DPH6: variants seen among roughly 807,000 people sequenced by gnomAD.
The protein encoded by DPH6 is diphthamine biosynthesis 6, also known as diphthine--ammonia ligase.
In DPH6, 33 loss-of-function variants were observed where a neutral mutation model predicts 38.2. The ratio of observed to expected loss-of-function variants is 0.86; its 90% CI spans 0.65 to 1.15. The LOEUF is 1.15. DPH6 is among the 50% of genes most tolerant of loss of function. DPH6 has a pLI of 0.00. For missense variants in DPH6, 325 were observed against 320.0 expected, an observed-to-expected ratio of 1.02 and a Z score of -0.12; for synonymous variants, 108 against 103.0, an observed-to-expected ratio of 1.05 and a Z score of -0.30.
chr15:35,377,508 T>C (rs1262347400), intron 7 of DPH6, among the ~76,000 whole-genome samples: 6 of 152,144 alleles, frequency 3.9e-5, no homozygotes, highest in African/African-American at 1.2e-4. Context: ...CTTAAGATTT[T>C]AGTTATGAAT....
At chr15:35,346,614 G>T (rs749937686) in intron 3 of DPH6, among the ~76,000 whole-genome samples, 4 of 151,876 alleles carry the variant, frequency 2.6e-5, no homozygotes, top group Non-Finnish European at 4.4e-5. Flanking sequence ...GTTTATATTC[G>T]ACTTAATTTC....
chr15:35,316,099 A>G (rs2052186272), intron 3 of DPH6, among the ~76,000 whole-genome samples: 1 of 151,660 alleles, frequency 6.6e-6, no homozygotes, highest in South Asian at 2.1e-4. Flanking sequence ...ATGGTTTAAT[A>G]GAAGAAATAA....
At chr15:35,425,910 C>T (rs905878861) in intron 5 of DPH6, among the ~76,000 whole-genome samples, 10 of 150,738 alleles carry the variant, frequency 6.6e-5, no homozygotes, top group Admixed American at 6.6e-4. Flanking sequence ...GACAGCCTGC[C>T]TTACCCAGTG....
intron 6 of DPH6, among the ~76,000 whole-genome samples, chr15:35,385,277 C>T (rs1566889666): frequency 6.6e-6 from 1 of 152,108 alleles, no homozygotes; most frequent in Non-Finnish European, 1.5e-5. Flanking sequence ...GATATATACC[C>T]AAAGGATTAT....
the DPH6 span, among the ~76,000 whole-genome samples, chr15:35,154,111 A>G: frequency 1.4e-4 from 22 of 152,260 alleles, no homozygotes; most frequent in African/African-American, 4.6e-4. Context: ...GGGGGGCTCT[A>G]TTGCACAGTA....
intron 3 of DPH6, among the ~76,000 whole-genome samples, chr15:35,478,370 CA>C (rs2054286768): frequency 3.8e-5 from 1 of 26,218 alleles, no homozygotes. Flanking sequence ...CACACATACA[CA>C]CACACACACA....
intron 6 of DPH6, among the ~76,000 whole-genome samples, chr15:35,404,510 A>T (rs901205314): frequency 2.6e-5 from 4 of 152,144 alleles, no homozygotes; most frequent in Non-Finnish European, 4.4e-5. Flanking sequence ...TCTGTTTGAC[A>T]CTTGTGTGTC....
rs1566926708 is a variant in DPH6 at position 35,483,401 on chromosome 15, T to C, written c.313-28581A>G. On this transcript the variant is annotated intron_variant, in intron 3 of 8. Transcript: ENST00000256538. ...ATTGCTTAAACCCAGGAGGCAGAGG[T>C]TGCAGTGAGCTGAGATCGCACCATT... Among the ~76,000 whole-genome samples the C allele has an allele frequency of 2.0e-5, 3 of 151,044 alleles. No individual in the cohort carries two copies. The South Asian group carries it at 6.3e-4, about 32-fold the overall frequency.
intron 3 of DPH6, among the ~76,000 whole-genome samples, chr15:35,492,930 G>T (rs2054503560): frequency 6.6e-6 from 1 of 152,058 alleles, no homozygotes; most frequent in Non-Finnish European, 1.5e-5. Flanking sequence ...CCAGTATTTT[G>T]GTTTACTAGA....
At chr15:35,318,169 TAGAG>T (rs2052209826) in intron 3 of DPH6, among the ~76,000 whole-genome samples, 1 of 151,834 alleles carries the variant, frequency 6.6e-6, no homozygotes, top group Non-Finnish European at 1.5e-5. Flanking sequence ...AATACAAGGA[TAGAG>T]AAAGGTTAGA....
intron 3 of DPH6, among the ~76,000 whole-genome samples, chr15:35,278,240 C>T (rs985560785): frequency 6.6e-6 from 1 of 152,246 alleles, no homozygotes; most frequent in Non-Finnish European, 1.5e-5. Context: ...TCCCTGCAAC[C>T]AGGCTGCTCC....
At chr15:35,298,543 A>G in intron 3 of DPH6, 1 of 781,866 alleles carries the variant, frequency 1.3e-6, no homozygotes, top group Non-Finnish European at 2.4e-6. Context: ...CCACTTTATT[A>G]AGACACTTAA....
At chr15:35,545,895 G>A (rs573063644) in intron 1 of DPH6, among the ~76,000 whole-genome samples, 3 of 152,330 alleles carry the variant, frequency 2.0e-5, no homozygotes, top group South Asian at 4.1e-4. Context: ...TTAAGGGCTA[G>A]AAGACCAGAG....
At chr15:35,152,310 T>C in the DPH6 span, among the ~76,000 whole-genome samples, 3 of 152,138 alleles carry the variant, frequency 2.0e-5, no homozygotes, top group African/African-American at 7.2e-5. Flanking sequence ...CTAGTATTAG[T>C]AAGTTAGGAA....
chr15:35,171,673 T>C, the DPH6 span, among the ~76,000 whole-genome samples: 3 of 152,050 alleles, frequency 2.0e-5, no homozygotes, highest in Admixed American at 2.0e-4. Context: ...GAGTATTCCC[T>C]ATCAGTAATG....
At chr15:35,266,945 T>G (rs2051787208) in intron 3 of DPH6, among the ~76,000 whole-genome samples, 1 of 152,016 alleles carries the variant, frequency 6.6e-6, no homozygotes, top group Admixed American at 6.6e-5. Flanking sequence ...AGTGCAAAAC[T>G]GAGTAAAATA....
At chr15:35,274,164 AT>A (rs1158084226) in intron 3 of DPH6, among the ~76,000 whole-genome samples, 1 of 152,222 alleles carries the variant, frequency 6.6e-6, no homozygotes, top group Non-Finnish European at 1.5e-5. Flanking sequence ...AGGATTTCCT[AT>A]TTAATGAATG....
chr15:35,218,365 T>G (rs974028744), exon 4 of DPH6: 6 of 152,240 alleles, frequency 3.9e-5, no homozygotes, highest in African/African-American at 1.4e-4. Context: ...TCTGAATGAC[T>G]GTTGCCCTTT....
the DPH6 span, among the ~76,000 whole-genome samples, chr15:35,210,946 C>A: frequency 6.3e-4 from 39 of 61,578 alleles, no homozygotes; most frequent in Admixed American, 4.9e-3. Context: ...AGATAGATCA[C>A]TTTTTTTTTT....
Sources: gnomAD v4.1 joint callset for allele counts (sites outside exome capture counted in the v4.1 genomes callset) on GRCh38, gnomAD v4.1.1 for gene constraint, MANE v1.5 for transcripts, NCBI Gene and HGNC (gene_info 2026-07-23, HGNC 2026-07-21) for gene names.